The following YWHAQ variants were observed in gnomAD, a reference collection of about 807,000 sequenced individuals.
YWHAQ encodes the protein 14-3-3 protein theta.
YWHAQ carries 6 observed loss-of-function variants against 28.3 expected under a neutral mutation model. That is an observed-to-expected ratio of 0.21 (90% CI 0.12 to 0.42). The LOEUF (loss-of-function observed/expected upper bound fraction) is 0.42. Among genes scored for constraint, YWHAQ ranks in the 10% least tolerant of loss-of-function variants. The pLI, the probability that YWHAQ is intolerant of heterozygous loss-of-function variation, is 1.00. For missense variants in YWHAQ, 201 were observed against 305.6 expected (o/e 0.66, Z 2.55); for synonymous variants, 143 against 119.1 (o/e 1.20, Z -1.31).
At chr2:9,604,581 T>C (rs532397604) in intron 2 of YWHAQ, among the ~76,000 whole-genome samples, 27 of 152,258 alleles carry the variant, frequency 1.8e-4, no homozygotes, top group Middle Eastern at 6.8e-3. Flanking sequence ...CAGTCAGGCC[T>C]CCCTATCAGC....
intron 2 of YWHAQ, among the ~76,000 whole-genome samples, chr2:9,599,378 T>A (rs1440413980): frequency 6.6e-6 from 1 of 152,152 alleles, no homozygotes. Context: ...CAAAATACCA[T>A]ATTTCCAATG....
At chr2:9,624,477 A>G (rs1161093962) in intron 2 of YWHAQ, among the ~76,000 whole-genome samples, 1 of 152,114 alleles carries the variant, frequency 6.6e-6, no homozygotes, top group African/African-American at 2.4e-5. Context: ...AGCTCATTTT[A>G]TTTATGGACT....
At chr2:9,625,963 T>C (rs1033206936) in intron 2 of YWHAQ, among the ~76,000 whole-genome samples, 4 of 151,952 alleles carry the variant, frequency 2.6e-5, no homozygotes, top group African/African-American at 9.7e-5. Flanking sequence ...AAGAAAAACA[T>C]ATCAGTCTTA....
chr2:9,600,978 G>A (rs554643328), intron 2 of YWHAQ, among the ~76,000 whole-genome samples: 6 of 152,306 alleles, frequency 3.9e-5, no homozygotes, highest in Admixed American at 3.9e-4. Context: ...ACAGACTACA[G>A]TATAGTGTAA....
At chr2:9,588,140 C>A in intron 4 of YWHAQ, 25 bp downstream of exon 4, 1 of 1,508,964 alleles carries the variant, frequency 6.6e-7, no homozygotes, top group Non-Finnish European at 8.8e-7. Flanking sequence ...AGCTAAAGTA[C>A]GTATTTCCTG....
At chr2:9,610,443 C>T (rs1652789554) in intron 2 of YWHAQ, among the ~76,000 whole-genome samples, 1 of 152,182 alleles carries the variant, frequency 6.6e-6, no homozygotes, top group African/African-American at 2.4e-5. Flanking sequence ...ACAAATCTTT[C>T]TCTTACATAC....
intron 2 of YWHAQ, among the ~76,000 whole-genome samples, chr2:9,593,898 T>TATA (rs1553372565): frequency 0.016 from 1,991 of 121,450 alleles, 59 homozygotes; most frequent in African/African-American, 0.057. Flanking sequence ...TTAAATAGAT[T>TATA]AAAAAAAATA....
chr2:9,606,987 C>A (rs551137753), intron 2 of YWHAQ, among the ~76,000 whole-genome samples: 2 of 147,866 alleles, frequency 1.4e-5, no homozygotes, highest in African/African-American at 5.0e-5. Context: ...CGGGTTCAAG[C>A]GATTCTCCCG....
chr2:9,617,422 G>C (rs1667059951), intron 2 of YWHAQ, among the ~76,000 whole-genome samples: 1 of 152,158 alleles, frequency 6.6e-6, no homozygotes, highest in Non-Finnish European at 1.5e-5. Flanking sequence ...ACCTAGAGTA[G>C]TCAAATTCAT....
At chr2:9,628,470 C>T (rs1165109456) in intron 2 of YWHAQ, among the ~76,000 whole-genome samples, 1 of 152,238 alleles carries the variant, frequency 6.6e-6, no homozygotes, top group Non-Finnish European at 1.5e-5. Context: ...ATTCCTTTGG[C>T]TCAGAGTCAC....
intron 2 of YWHAQ, among the ~76,000 whole-genome samples, chr2:9,595,569 T>C (rs1379941610): frequency 6.6e-6 from 1 of 151,888 alleles, no homozygotes; most frequent in East Asian, 1.9e-4. Flanking sequence ...CCGGGTATGG[T>C]GACACATGCC....
intron 2 of YWHAQ, among the ~76,000 whole-genome samples, chr2:9,621,113 A>T (rs562498303): frequency 6.6e-5 from 10 of 152,328 alleles, no homozygotes; most frequent in African/African-American, 2.4e-4. Context: ...ATACTACAAT[A>T]GGTTGAATGA....
chr2:9,619,394 A>C (rs1667095819), intron 2 of YWHAQ, among the ~76,000 whole-genome samples: 1 of 152,230 alleles, frequency 6.6e-6, no homozygotes. Context: ...GAAATAAGGC[A>C]TGAAAAACCC....
intron 2 of YWHAQ, among the ~76,000 whole-genome samples, chr2:9,610,327 A>G (rs899926201): frequency 6.6e-6 from 1 of 152,154 alleles, no homozygotes; most frequent in Non-Finnish European, 1.5e-5. Flanking sequence ...TTCATCTGTA[A>G]AACAGTTACT....
intron 2 of YWHAQ, among the ~76,000 whole-genome samples, chr2:9,601,559 C>T (rs576029660): frequency 7.2e-5 from 11 of 152,230 alleles, no homozygotes; most frequent in African/African-American, 1.4e-4. Context: ...TACCATTTAA[C>T]GTTCATATAA....
At chr2:9,617,258 G>A (rs975851437) in intron 2 of YWHAQ, among the ~76,000 whole-genome samples, 7 of 151,478 alleles carry the variant, frequency 4.6e-5, no homozygotes, top group Non-Finnish European at 1.0e-4. Context: ...CACCACGTCC[G>A]TCCAAAAAAA....
chr2:9,585,051 T>G lies in YWHAQ; in HGVS notation c.*235A>C. ...TAAGTGTTTGGGAGTTACTTATGTT[T>G]ATATGAAATGAAGCTATTAATACTT... On this transcript the variant is annotated 3_prime_UTR_variant, in exon 6 of 6. Coordinates refer to ENST00000238081, the MANE Select transcript of YWHAQ (RefSeq NM_006826.4). 1.9e-6 allele frequency: 1 copy of G among 518,288 alleles called. No homozygotes were observed. Among genetic ancestry groups the G allele is most frequent in the South Asian group, 2.6e-5 (1 of 39,074 alleles). The allele number at this position is 518,288 out of a possible 1,614,324, so 32.1% of individuals were successfully genotyped here. A position where few individuals can be genotyped will look rare whatever the true frequency, so the allele number is the denominator to read the frequency against.
At chr2:9,609,547 C>T (rs1666904197) in intron 2 of YWHAQ, among the ~76,000 whole-genome samples, 2 of 151,786 alleles carry the variant, frequency 1.3e-5, no homozygotes, top group Admixed American at 1.3e-4. Flanking sequence ...GGGATAAATA[C>T]CTTGAGATAG....
At chr2:9,592,808 C>T (rs1199382311) in intron 2 of YWHAQ, among the ~76,000 whole-genome samples, 3 of 152,140 alleles carry the variant, frequency 2.0e-5, no homozygotes, top group Non-Finnish European at 4.4e-5. Flanking sequence ...TGTTAAGATA[C>T]TAATACCTAC....
Sources: allele counts gnomAD v4.1 joint callset (sites outside exome capture counted in the v4.1 genomes callset), GRCh38; gene constraint gnomAD v4.1.1; transcripts MANE v1.5; gene names NCBI Gene and HGNC (gene_info 2026-07-23, HGNC 2026-07-21).